The following RANBP17 variants were observed in gnomAD, a reference collection of about 807,000 sequenced individuals.
RANBP17 encodes ran-binding protein 17.
Under a neutral mutation model 141.2 loss-of-function variants are expected in RANBP17, and 158 were observed. The ratio of observed to expected loss-of-function variants is 1.12; its 90% CI spans 0.98 to 1.28. The LOEUF is 1.28. Among genes scored for constraint, RANBP17 ranks in the 50% most tolerant of loss-of-function variants. The pLI is 0.00. For synonymous variants in RANBP17, 430 were observed against 450.0 expected (o/e 0.96, Z 0.56); for missense variants, 1,438 against 1,290.7 (o/e 1.11, Z -1.75).
intron 4 of RANBP17, among the ~76,000 whole-genome samples, chr5:170,892,966 G>C (rs1769775127): frequency 6.6e-6 from 1 of 152,092 alleles, no homozygotes; most frequent in Non-Finnish European, 1.5e-5. Flanking sequence ...CATAGTGACT[G>C]ATTAACGCAT....
At chr5:171,239,637 G>A (rs1349767991) in intron 22 of RANBP17, among the ~76,000 whole-genome samples, 2 of 152,156 alleles carry the variant, frequency 1.3e-5, no homozygotes, top group African/African-American at 4.8e-5. Flanking sequence ...TAGAAACCAG[G>A]CACATTTAGG....
At chr5:171,278,474 G>A (rs1767666812) in intron 25 of RANBP17, among the ~76,000 whole-genome samples, 1 of 152,078 alleles carries the variant, frequency 6.6e-6, no homozygotes, top group South Asian at 2.1e-4. Context: ...AGGCGCCATT[G>A]CACTCCAGCC....
intron 22 of RANBP17, among the ~76,000 whole-genome samples, chr5:171,238,458 A>G (rs115028493): frequency 3.9e-5 from 6 of 152,220 alleles, no homozygotes; most frequent in East Asian, 3.9e-4. Flanking sequence ...TGGCCTGCCT[A>G]TTTCATCTGT....
chr5:171,180,525 C>T (rs926507157), intron 16 of RANBP17, among the ~76,000 whole-genome samples: 5 of 152,068 alleles, frequency 3.3e-5, no homozygotes, highest in Admixed American at 6.6e-5. Context: ...AGTGCTCCAC[C>T]CAGCCAAAAT....
rs1775287194 is a variant in RANBP17 at position 170,952,492 on chromosome 5, T to C, written c.1469-1105T>C. Reference sequence around the variant, plus strand: ...ATAGGTTGATATGTCTCACCAAAAATTATAAAAGAGTTGTTGATTAATTGT... The same window carrying C: ...ATAGGTTGATATGTCTCACCAAAAACTATAAAAGAGTTGTTGATTAATTGT... On this transcript the variant is annotated intron_variant, in intron 12 of 27. Transcript: ENST00000523189. 5.9e-5 allele frequency among the ~76,000 whole-genome samples: 9 copies of C among 152,042 alleles called. No homozygotes were observed. In the South Asian group the frequency reaches 1.9e-3, roughly 32 times the overall value.
At chr5:171,014,874 T>A (rs1780325439) in intron 14 of RANBP17, among the ~76,000 whole-genome samples, 1 of 152,070 alleles carries the variant, frequency 6.6e-6, no homozygotes, top group South Asian at 2.1e-4. Context: ...AGCTTTCATA[T>A]GTCTGGAAAA....
rs139638431 is a variant in RANBP17, at chr5:170,953,600, G to A, written c.1472G>A (p.Arg491His). Residue 491 changes from arginine to histidine, a missense_variant, in exon 13 of 28, where the codon CGT becomes CAT. Coordinates refer to ENST00000523189, the MANE Select transcript of RANBP17 (RefSeq NM_022897.5). ...VTVDITIQEG[R>H]LAWLVYLVGT... is the part of the protein sequence containing the mutation. ...TTTCTTCCTTATTCTATATTAGGAC[G>A]TCTTGCATGGCTGGTATACTTAGTT... The A allele has an allele frequency of 6.3e-4, 1,003 of 1,602,614 alleles. 2 individuals are homozygous for A. The highest frequency in any genetic ancestry group is 7.7e-4 in the Non-Finnish European group (901 of 1,171,228).
chr5:171,134,440 G>T (rs1229556593), intron 14 of RANBP17, among the ~76,000 whole-genome samples: 2 of 152,168 alleles, frequency 1.3e-5, no homozygotes, highest in Non-Finnish European at 2.9e-5. Flanking sequence ...GTGATGATTT[G>T]TTAATGGTTG....
intron 14 of RANBP17, among the ~76,000 whole-genome samples, chr5:170,990,960 CCT>C: frequency 1.3e-5 from 2 of 151,882 alleles, no homozygotes; most frequent in South Asian, 4.2e-4. Context: ...CCAACTAACC[CCT>C]AATTATCAAA....
At chr5:171,133,603 G>T (rs1234055549) in intron 14 of RANBP17, among the ~76,000 whole-genome samples, 1 of 152,122 alleles carries the variant, frequency 6.6e-6, no homozygotes, top group African/African-American at 2.4e-5. Context: ...CATTTTTGCA[G>T]AATTTTCATA....
intron 19 of RANBP17, 76 bp from the exon 20 acceptor site, chr5:171,205,448 A>G: frequency 8.5e-7 from 1 of 1,176,030 alleles, no homozygotes; most frequent in Non-Finnish European, 1.3e-6. Flanking sequence ...ATATGTGGTC[A>G]TTATTGCCTG....
intron 12 of RANBP17, among the ~76,000 whole-genome samples, chr5:170,945,945 A>G (rs1472454006): frequency 2.6e-5 from 4 of 152,172 alleles, no homozygotes; most frequent in African/African-American, 9.6e-5. Flanking sequence ...TTAAACGCTT[A>G]AGAGATTGTT....
intron 14 of RANBP17, among the ~76,000 whole-genome samples, chr5:170,999,262 G>A (rs990900454): frequency 6.6e-6 from 1 of 151,896 alleles, no homozygotes; most frequent in Non-Finnish European, 1.5e-5. Flanking sequence ...TTACAGGATG[G>A]GGTTTTCTTT....
intron 12 of RANBP17, among the ~76,000 whole-genome samples, chr5:170,944,412 G>A (rs748555081): frequency 9.2e-5 from 14 of 152,096 alleles, no homozygotes; most frequent in Non-Finnish European, 1.9e-4. Context: ...GATTACAGGC[G>A]CATGCCACCA....
intron 14 of RANBP17, among the ~76,000 whole-genome samples, chr5:171,047,881 T>C (rs1233981677): frequency 6.6e-6 from 1 of 152,180 alleles, no homozygotes; most frequent in Admixed American, 6.5e-5. Context: ...AAGTTTTTAT[T>C]TTGGCAGAGT....
intron 14 of RANBP17, among the ~76,000 whole-genome samples, chr5:171,086,160 G>C (rs1286383967): frequency 7.1e-6 from 1 of 141,638 alleles, no homozygotes; most frequent in Admixed American, 7.2e-5. Context: ...TTTATTGAGA[G>C]TTTTTAGCAT....
At chr5:171,002,851 G>A (rs1190711757) in intron 14 of RANBP17, among the ~76,000 whole-genome samples, 1 of 152,178 alleles carries the variant, frequency 6.6e-6, no homozygotes, top group Non-Finnish European at 1.5e-5. Flanking sequence ...CAGAGATACA[G>A]TCATGGGGGT....
At chr5:171,040,115 T>G (rs2127633383) in intron 14 of RANBP17, among the ~76,000 whole-genome samples, 1 of 151,516 alleles carries the variant, frequency 6.6e-6, no homozygotes, top group East Asian at 1.9e-4. Flanking sequence ...ACAAAAAAAA[T>G]CCCCCCAAAA....
intron 14 of RANBP17, among the ~76,000 whole-genome samples, chr5:171,058,416 G>A (rs1345897054): frequency 6.7e-6 from 1 of 148,708 alleles, no homozygotes; most frequent in African/African-American, 2.5e-5. Context: ...GCGGTGTTTG[G>A]TTTTTTGTCC....
Sources: gnomAD v4.1 joint callset for allele counts (sites outside exome capture counted in the v4.1 genomes callset) on GRCh38, gnomAD v4.1.1 for gene constraint, MANE v1.5 for transcripts, NCBI Gene and HGNC (gene_info 2026-07-23, HGNC 2026-07-21) for gene names.